FSTL4: variants seen among roughly 807,000 people sequenced by gnomAD.
The protein encoded by FSTL4 is follistatin like 4, also known as follistatin-related protein 4.
FSTL4 carries 28 observed loss-of-function variants against 78.2 expected under a neutral mutation model. The ratio of observed to expected loss-of-function variants is 0.36; its 90% CI spans 0.27 to 0.49. The LOEUF is 0.49. Among genes scored for constraint, FSTL4 ranks in the 20% least tolerant of loss-of-function variants. The pLI is 0.98. For synonymous variants in FSTL4, 422 were observed against 440.5 expected (o/e 0.96, Z 0.53); for missense variants, 922 against 1,084.9 (o/e 0.85, Z 2.11).
chr5:133,264,743 C>A (rs947595367), intron 6 of FSTL4, among the ~76,000 whole-genome samples: 1 of 152,222 alleles, frequency 6.6e-6, no homozygotes, highest in Non-Finnish European at 1.5e-5. Flanking sequence ...AGAACCCTAT[C>A]ATGTCATGTA....
chr5:133,562,594 G>A (rs552891881), intron 3 of FSTL4, among the ~76,000 whole-genome samples: 386 of 152,176 alleles, frequency 2.5e-3, no homozygotes, highest in Non-Finnish European at 4.3e-3. Context: ...CTCCTCTCCC[G>A]GGTTCCCTCA....
At chr5:133,712,530 C>A in the FSTL4 span, among the ~76,000 whole-genome samples, 1 of 152,202 alleles carries the variant, frequency 6.6e-6, no homozygotes, top group South Asian at 2.1e-4. Context: ...GAAACTCATT[C>A]TCAACATCCG....
At chr5:133,383,264 G>A (rs1050994032) in intron 4 of FSTL4, among the ~76,000 whole-genome samples, 2 of 152,194 alleles carry the variant, frequency 1.3e-5, no homozygotes, top group African/African-American at 4.8e-5. Context: ...CTGAAGGGGT[G>A]GGGAGAGCCA....
chr5:133,717,442 A>C, the FSTL4 span, among the ~76,000 whole-genome samples: 1 of 152,182 alleles, frequency 6.6e-6, no homozygotes, highest in East Asian at 1.9e-4. Flanking sequence ...TGTAATTTAC[A>C]TGGAGTAAAA....
the FSTL4 span, among the ~76,000 whole-genome samples, chr5:133,733,893 T>C: frequency 6.6e-6 from 1 of 152,160 alleles, no homozygotes. Context: ...CCCACTCCCA[T>C]GGCTGGAGCA....
At chr5:133,597,492 GAATA>G (rs1760762918) in intron 2 of FSTL4, among the ~76,000 whole-genome samples, 1 of 152,098 alleles carries the variant, frequency 6.6e-6, no homozygotes, top group Non-Finnish European at 1.5e-5. Context: ...AGCAACAGAG[GAATA>G]AATAAAGTAG....
intron 3 of FSTL4, among the ~76,000 whole-genome samples, chr5:133,445,150 G>A (rs768792944): frequency 3.0e-4 from 45 of 152,358 alleles, no homozygotes; most frequent in East Asian, 5.8e-4. Context: ...ACATTCAAGC[G>A]AAAGAGCAAG....
chr5:133,607,996 T>A (rs1034894944), intron 1 of FSTL4, among the ~76,000 whole-genome samples: 7 of 152,170 alleles, frequency 4.6e-5, no homozygotes, highest in Non-Finnish European at 1.5e-5. Context: ...AGCACCAGCA[T>A]CATAAGGCTA....
the FSTL4 span, among the ~76,000 whole-genome samples, chr5:133,649,129 T>C: frequency 2.6e-5 from 4 of 152,194 alleles, no homozygotes; most frequent in African/African-American, 4.8e-5. Context: ...ACATAGCCTT[T>C]TCAGGTTAGC....
At chr5:133,579,969 C>T (rs1760366240) in intron 2 of FSTL4, among the ~76,000 whole-genome samples, 1 of 152,082 alleles carries the variant, frequency 6.6e-6, no homozygotes, top group African/African-American at 2.4e-5. Context: ...CGGCTGGGAG[C>T]AGGACTGGGT....
At chr5:133,593,685 T>C (rs570568906) in intron 2 of FSTL4, among the ~76,000 whole-genome samples, 2 of 152,330 alleles carry the variant, frequency 1.3e-5, no homozygotes, top group East Asian at 3.9e-4. Flanking sequence ...GGGAGGCAGA[T>C]GGACTTCTTT....
At chr5:133,502,389 C>T (rs1426902713) in intron 3 of FSTL4, among the ~76,000 whole-genome samples, 1 of 152,178 alleles carries the variant, frequency 6.6e-6, no homozygotes, top group African/African-American at 2.4e-5. Context: ...GGGAAGAATG[C>T]AGGTGACTTT....
intron 6 of FSTL4, among the ~76,000 whole-genome samples, chr5:133,262,468 C>A (rs1306139392): frequency 6.6e-6 from 1 of 152,200 alleles, no homozygotes; most frequent in African/African-American, 2.4e-5. Context: ...TACATGCATG[C>A]TTGTTCAATA....
the FSTL4 span, among the ~76,000 whole-genome samples, chr5:133,786,293 T>C: frequency 6.6e-6 from 1 of 152,228 alleles, no homozygotes; most frequent in South Asian, 2.1e-4. Context: ...TGTTTTCTAT[T>C]TTAACGGCCG....
At chr5:133,760,180 G>A in the FSTL4 span, among the ~76,000 whole-genome samples, 5 of 152,178 alleles carry the variant, frequency 3.3e-5, no homozygotes, top group Non-Finnish European at 7.3e-5. Flanking sequence ...TTGGGAAGTT[G>A]GACAGGAACA....
At chr5:133,211,284 TG>T (rs890251790) in intron 13 of FSTL4, among the ~76,000 whole-genome samples, 21 of 152,236 alleles carry the variant, frequency 1.4e-4, no homozygotes, top group Non-Finnish European at 2.6e-4. Context: ...CACTAGACTA[TG>T]GCCCCCTGCT....
At chr5:133,675,572 G>A in the FSTL4 span, among the ~76,000 whole-genome samples, 3 of 152,176 alleles carry the variant, frequency 2.0e-5, no homozygotes, top group South Asian at 2.1e-4. Flanking sequence ...CGTTAGTGCT[G>A]GTGCCAATGC....
chr5:133,444,345 A>G (rs551109859), intron 3 of FSTL4, among the ~76,000 whole-genome samples: 6 of 152,198 alleles, frequency 3.9e-5, no homozygotes, highest in African/African-American at 9.6e-5. Context: ...CCCATGACCA[A>G]TGAAGGCCAG....
the FSTL4 span, among the ~76,000 whole-genome samples, chr5:133,653,643 C>A: frequency 6.6e-6 from 1 of 152,294 alleles, no homozygotes; most frequent in East Asian, 1.9e-4. Flanking sequence ...TATTAATGCA[C>A]GAGGCACTTT....
Sources: gnomAD v4.1 joint callset for allele counts (sites outside exome capture counted in the v4.1 genomes callset) on GRCh38, gnomAD v4.1.1 for gene constraint, MANE v1.5 for transcripts, NCBI Gene and HGNC (gene_info 2026-07-23, HGNC 2026-07-21) for gene names.